The following CNBD1 variants were observed in gnomAD, a reference collection of about 807,000 sequenced individuals.
CNBD1 encodes cyclic nucleotide-binding domain-containing protein 1.
In CNBD1, 71 loss-of-function variants were observed where a neutral mutation model predicts 54.4. That is an observed-to-expected ratio of 1.30 (90% CI 1.08 to 1.59). CNBD1 has a LOEUF of 1.59. Ranked by LOEUF, CNBD1 falls within the 40% of genes most tolerant of loss-of-function variation. The probability of loss-of-function intolerance (pLI) is 0.00; values close to 1 mark genes in which losing one functional copy is unlikely to be tolerated. For missense variants in CNBD1, 659 were observed against 518.0 expected, an observed-to-expected ratio of 1.27 and a Z score of -2.64; for synonymous variants, 182 against 170.7, an observed-to-expected ratio of 1.07 and a Z score of -0.51.
intron 4 of CNBD1, among the ~76,000 whole-genome samples, chr8:87,006,925 C>T (rs911954322): frequency 3.3e-5 from 5 of 152,224 alleles, no homozygotes; most frequent in East Asian, 3.9e-4. Flanking sequence ...GGCCGGGTGC[C>T]GCGGCTCACG....
At chr8:87,283,660 A>G (rs79671750) in intron 6 of CNBD1, among the ~76,000 whole-genome samples, 12 of 152,068 alleles carry the variant, frequency 7.9e-5, no homozygotes, top group Middle Eastern at 3.4e-3. Context: ...GCCAGCTTCT[A>G]TGTGGCTTTC....
At chr8:87,000,495 G>T (rs147578559) in intron 4 of CNBD1, among the ~76,000 whole-genome samples, 1 of 152,174 alleles carries the variant, frequency 6.6e-6, no homozygotes, top group African/African-American at 2.4e-5. Flanking sequence ...GAGACTTAGA[G>T]CAAATTATAT....
At chr8:87,225,070 T>C (rs1415741487) in intron 5 of CNBD1, among the ~76,000 whole-genome samples, 2 of 151,612 alleles carry the variant, frequency 1.3e-5, no homozygotes, top group Non-Finnish European at 2.9e-5. Flanking sequence ...ATAGGAATGC[T>C]TGTGATTTTT....
At chr8:87,372,694 C>T (rs540556955) in intron 10 of CNBD1, among the ~76,000 whole-genome samples, 18 of 151,872 alleles carry the variant, frequency 1.2e-4, no homozygotes, top group Admixed American at 8.6e-4. Context: ...GATGCTCTTA[C>T]CTATCAATGA....
At chr8:86,999,214 G>A (rs1808943112) in intron 4 of CNBD1, among the ~76,000 whole-genome samples, 1 of 152,116 alleles carries the variant, frequency 6.6e-6, no homozygotes, top group African/African-American at 2.4e-5. Context: ...AATAGCTAAG[G>A]TTCTTCCCCT....
At chr8:87,302,821 AAG>A (rs1321842440) in intron 8 of CNBD1, among the ~76,000 whole-genome samples, 3 of 152,048 alleles carry the variant, frequency 2.0e-5, no homozygotes, top group Admixed American at 2.0e-4. Context: ...CAAAAATCAC[AAG>A]CATTCTTATA....
At chr8:87,348,532 A>T (rs748832242) in intron 8 of CNBD1, among the ~76,000 whole-genome samples, 3 of 152,200 alleles carry the variant, frequency 2.0e-5, no homozygotes, top group Non-Finnish European at 4.4e-5. Flanking sequence ...TTCCTTTAGT[A>T]GTCTATCTTT....
In CNBD1 at chr8:87,284,825, T is replaced by G. The variant is rs768081794; in HGVS notation, c.909+10T>G. The G allele has an allele frequency of 2.6e-6, 4 of 1,545,780 alleles. No individual in the cohort carries two copies. The highest frequency in any genetic ancestry group is 1.4e-5 in the African/African-American group (1 of 72,210). On this transcript the variant is annotated intron_variant, in intron 7 of 10. Transcript: ENST00000518476. ...TGCAAAGATAAAGGAGGTAAGATGATATCTAATATTTTATATAAACAAAAA... is the reference window on the plus strand; with the variant it reads ...TGCAAAGATAAAGGAGGTAAGATGAGATCTAATATTTTATATAAACAAAAA...
chr8:87,036,594 TAAA>T (rs58299323), intron 4 of CNBD1, among the ~76,000 whole-genome samples: 1 of 64,742 alleles, frequency 1.5e-5, no homozygotes, highest in Non-Finnish European at 2.8e-5. Context: ...ACTGCATCTC[TAAA>T]AAAAAAAAAA....
intron 9 of CNBD1, among the ~76,000 whole-genome samples, chr8:87,353,057 A>G (rs1019150491): frequency 6.6e-6 from 1 of 152,194 alleles, no homozygotes; most frequent in African/African-American, 2.4e-5. Context: ...AGAACCATTC[A>G]TATTGAACAT....
At chr8:87,254,501 C>G (rs900367886) in intron 6 of CNBD1, among the ~76,000 whole-genome samples, 7 of 152,318 alleles carry the variant, frequency 4.6e-5, no homozygotes, top group African/African-American at 1.4e-4. Flanking sequence ...GTGGTATCAA[C>G]TGCTCTTCCC....
At chr8:86,955,632 T>C (rs1380523264) in intron 4 of CNBD1, among the ~76,000 whole-genome samples, 1 of 152,348 alleles carries the variant, frequency 6.6e-6, no homozygotes, top group Admixed American at 6.5e-5. Context: ...AAATATCTTC[T>C]TTTGAGAAGT....
chr8:87,148,038 T>A (rs1188610670), intron 4 of CNBD1, among the ~76,000 whole-genome samples: 1 of 152,154 alleles, frequency 6.6e-6, no homozygotes, highest in Non-Finnish European at 1.5e-5. Context: ...TTTTAAAAAG[T>A]GTATGTATTG....
At chr8:87,055,857 C>G (rs1167520872) in intron 4 of CNBD1, among the ~76,000 whole-genome samples, 1 of 146,128 alleles carries the variant, frequency 6.8e-6, no homozygotes, top group Non-Finnish European at 1.5e-5. Context: ...TCCTCCCTCC[C>G]TCCCTCCTTC....
At chr8:87,366,724 G>C (rs527848931) in intron 10 of CNBD1, among the ~76,000 whole-genome samples, 12 of 151,984 alleles carry the variant, frequency 7.9e-5, no homozygotes, top group Admixed American at 2.0e-4. Flanking sequence ...AGCATGACAG[G>C]TATCTCTGCT....
At chr8:87,141,074 A>G (rs2130738314) in intron 4 of CNBD1, among the ~76,000 whole-genome samples, 1 of 152,284 alleles carries the variant, frequency 6.6e-6, no homozygotes, top group East Asian at 1.9e-4. Flanking sequence ...TTTATTTTTA[A>G]ACATGTAAAG....
intron 10 of CNBD1, among the ~76,000 whole-genome samples, chr8:87,370,939 T>C (rs1200676050): frequency 6.6e-6 from 1 of 151,214 alleles, no homozygotes; most frequent in Non-Finnish European, 1.5e-5. Flanking sequence ...TTCAGCTTTC[T>C]ACATATGGCT....
intron 4 of CNBD1, among the ~76,000 whole-genome samples, chr8:86,943,071 T>G (rs1218815969): frequency 1.3e-5 from 2 of 151,788 alleles, no homozygotes; most frequent in African/African-American, 2.4e-5. Context: ...AAAAACATTT[T>G]GAGTCACAGT....
intron 8 of CNBD1, among the ~76,000 whole-genome samples, chr8:87,301,533 T>C (rs2130882557): frequency 6.6e-6 from 1 of 152,222 alleles, no homozygotes; most frequent in Non-Finnish European, 1.5e-5. Context: ...GATGCAGGGA[T>C]AGTTTAGCAT....
Sources: allele counts gnomAD v4.1 joint callset (sites outside exome capture counted in the v4.1 genomes callset), GRCh38; gene constraint gnomAD v4.1.1; transcripts MANE v1.5; gene names NCBI Gene and HGNC (gene_info 2026-07-23, HGNC 2026-07-21).